TCERG1: variants seen among roughly 807,000 people sequenced by gnomAD.
TCERG1 encodes the protein transcription elongation regulator 1.
A neutral mutation model predicts 144.7 loss-of-function variants in TCERG1; 37 were observed. The ratio of observed to expected loss-of-function variants is 0.26; its 90% CI spans 0.20 to 0.34. The LOEUF (loss-of-function observed/expected upper bound fraction) is 0.34, where lower values mean the gene tolerates loss of function less well. Among genes scored for constraint, TCERG1 ranks in the 10% least tolerant of loss-of-function variants. The pLI is 1.00. For synonymous variants in TCERG1, 492 were observed against 458.2 expected (o/e 1.07, Z -0.94); for missense variants, 1,027 against 1,380.7 (o/e 0.74, Z 4.06).
At chr5:146,453,308 A>G (rs61677065) in intron 1 of TCERG1, among the ~76,000 whole-genome samples, 27,212 of 152,106 alleles carry the variant, frequency 0.18, 3,730 homozygotes, top group East Asian at 0.79. Context: ...AGTAATTTCA[A>G]ATTTACAAAA....
At chr5:146,468,841 A>G (rs1764021954) in intron 6 of TCERG1, among the ~76,000 whole-genome samples, 1 of 152,130 alleles carries the variant, frequency 6.6e-6, no homozygotes, top group Admixed American at 6.5e-5. Context: ...GAAGTAAGAT[A>G]ACTACCTGAA....
chr5:146,489,397 CTT>C (rs1766177924), intron 15 of TCERG1, among the ~76,000 whole-genome samples: 1 of 152,060 alleles, frequency 6.6e-6, no homozygotes, highest in African/African-American at 2.4e-5. Context: ...CCAAAATAAA[CTT>C]TTAAATATCT....
At chr5:146,484,890 T>C (rs1258259656) in intron 15 of TCERG1, among the ~76,000 whole-genome samples, 3 of 152,164 alleles carry the variant, frequency 2.0e-5, no homozygotes, top group Non-Finnish European at 4.4e-5. Flanking sequence ...GTGTAGCCTA[T>C]TGTTGATCTC....
intron 1 of TCERG1, among the ~76,000 whole-genome samples, chr5:146,454,579 T>A (rs1447346678): frequency 6.6e-6 from 1 of 152,102 alleles, no homozygotes; most frequent in Non-Finnish European, 1.5e-5. Context: ...GTTTTTTTTT[T>A]TGTTTTTTTG....
chr5:146,460,826 T>C (rs1242174595), intron 4 of TCERG1, among the ~76,000 whole-genome samples: 4 of 152,190 alleles, frequency 2.6e-5, no homozygotes, highest in African/African-American at 7.2e-5. Flanking sequence ...AATTTTGATA[T>C]GAAAGTATAA....
At chr5:146,485,973 G>A (rs1228340066) in intron 15 of TCERG1, among the ~76,000 whole-genome samples, 1 of 152,158 alleles carries the variant, frequency 6.6e-6, no homozygotes, top group African/African-American at 2.4e-5. Context: ...GGGATTACAG[G>A]CGTGAGCCAC....
chr5:146,454,084 G>A (rs1762606085), intron 1 of TCERG1, among the ~76,000 whole-genome samples: 2 of 150,968 alleles, frequency 1.3e-5, no homozygotes, highest in Non-Finnish European at 2.9e-5. Context: ...GGTGGCGCAT[G>A]CCTGTAGTCC....
At chr5:146,483,485 C>A in intron 14 of TCERG1, 55 bp from the exon 15 acceptor site, 1 of 1,488,538 alleles carries the variant, frequency 6.7e-7, no homozygotes, top group Non-Finnish European at 9.3e-7. Flanking sequence ...AAAATTATGA[C>A]CTTTATATTT....
At chr5:146,457,898 A>G (rs2150245736) in intron 3 of TCERG1, among the ~76,000 whole-genome samples, 1 of 152,284 alleles carries the variant, frequency 6.6e-6, no homozygotes, top group African/African-American at 2.4e-5. Flanking sequence ...CGCCCAGGCT[A>G]GAGAGCAGTA....
At chr5:146,468,203 G>T in intron 5 of TCERG1, 138 bp from the exon 6 acceptor site, 1 of 646,648 alleles carries the variant, frequency 1.5e-6, no homozygotes, top group Non-Finnish European at 2.4e-6. Flanking sequence ...CAAACAGAAA[G>T]AAATTTTACT....
chr5:146,510,183 C>A, intron 22 of TCERG1: 1 of 1,015,672 alleles, frequency 9.8e-7, no homozygotes, highest in Non-Finnish European at 1.4e-6. Flanking sequence ...CAAGATTTAC[C>A]CACCCACCCT....
At chr5:146,484,507 G>GGTGT (rs1765646009) in intron 15 of TCERG1, among the ~76,000 whole-genome samples, 1 of 152,104 alleles carries the variant, frequency 6.6e-6, no homozygotes, top group Admixed American at 6.5e-5. Flanking sequence ...TTCTTCACAT[G>GGTGT]GTGTGTACCA....
chr5:146,471,337 G>C, intron 8 of TCERG1, 151 bp from the exon 9 acceptor site: 1 of 661,902 alleles, frequency 1.5e-6, no homozygotes, highest in South Asian at 2.2e-5. Flanking sequence ...GGGGGATGAG[G>C]ATTTAGAACT....
At position 146,470,730 on chromosome 5, in the gene TCERG1, TATAAAGGAG is replaced by T. The variant is rs1428759550; in HGVS notation, c.1504_1512del (p.Ile502_Glu504del). 5 of 1,612,206 alleles carry T rather than the reference TATAAAGGAG, an allele frequency of 3.1e-6. No individual in the cohort carries two copies. Among genetic ancestry groups the T allele is most frequent in the Non-Finnish European group, 4.2e-6 (5 of 1,179,506 alleles). ...AGGAGGAGGATCCTAAAGAAGAGCC[TATAAAGGAG>T]ATAAAGGAGGTAAAGGGCCATGACC... On this transcript the variant is annotated inframe_deletion, in exon 8 of 23. Transcript: ENST00000679501.
Position 146,507,062 on chromosome 5 carries a change from G to A in TCERG1, c.2816G>A (p.Arg939His), listed in dbSNP as rs1240786345. The change falls in exon 20 of 23, where the codon CGT (arginine) becomes CAT (histidine). Residue 939 changes from arginine to histidine, a missense_variant. Physicochemically the swap from Arg to His is conservative, Grantham distance 29. This residue lies in a region of TCERG1 where 133 missense variants were observed against 283.2 expected (regional missense o/e 0.47). Transcript: ENST00000679501. This position sits in a 1 kb window ranked among gnomAD's most constrained non-coding sequence, Gnocchi z 4.6. ...RSSDVSWSDT[R>H]RTLRKDHRWE... ...TCAGATGTGTCATGGTCTGATACTC[G>A]TAGGACCCTCCGAAAAGATCACCGC... 1 of 1,610,892 alleles carries A rather than the reference G, an allele frequency of 6.2e-7. No individual in the cohort carries two copies. The highest frequency in any genetic ancestry group is 8.5e-7 in the Non-Finnish European group (1 of 1,179,078).
intron 5 of TCERG1, among the ~76,000 whole-genome samples, chr5:146,466,884 G>A (rs185756811): frequency 1.6e-4 from 25 of 152,302 alleles, no homozygotes; most frequent in African/African-American, 5.1e-4. Context: ...GTCTTTGAGA[G>A]TAAAGTTCGT....
chr5:146,461,219 T>C (rs1332899999), intron 4 of TCERG1, among the ~76,000 whole-genome samples: 1 of 145,694 alleles, frequency 6.9e-6, no homozygotes. Context: ...CCCAGAAATA[T>C]AATATAGCAA....
At chr5:146,510,317 T>TA in intron 22 of TCERG1, 124 bp from the exon 23 acceptor site, 1 of 766,684 alleles carries the variant, frequency 1.3e-6, no homozygotes. Context: ...GAAATTTTTC[T>TA]TAAAAAAAAA....
At chr5:146,457,492 TTTTTGTGCAGCAGA>T (rs2150240861) in intron 3 of TCERG1, among the ~76,000 whole-genome samples, 157 bp downstream of exon 3, 1 of 152,338 alleles carries the variant, frequency 6.6e-6, no homozygotes, top group African/African-American at 2.4e-5. Flanking sequence ...CTGGATTTAG[TTTTTGTGCAGCAGA>T]TATAAGGTTG....
Sources: gnomAD v4.1 joint callset for allele counts (sites outside exome capture counted in the v4.1 genomes callset) on GRCh38, gnomAD v4.1.1 for gene constraint, gnomAD v4.1.1 regional missense constraint, Gnocchi (gnomAD v3.1) non-coding constraint, MANE v1.5 for transcripts, NCBI Gene and HGNC (gene_info 2026-07-23, HGNC 2026-07-21) for gene names.